Variants in CTNNA3 observed in about 807,000 individuals in gnomAD.
The protein encoded by CTNNA3 is catenin alpha 3, also known as catenin alpha-3.
A neutral mutation model predicts 95.7 loss-of-function variants in CTNNA3; 76 were observed. The ratio of observed to expected loss-of-function variants is 0.79; its 90% confidence interval spans 0.66 to 0.96. The LOEUF is 0.96. Ranked by LOEUF, CTNNA3 falls within the 40% of genes least tolerant of loss-of-function variation. The pLI is 0.00. For missense variants in CTNNA3, 1,191 were observed against 1,089.8 expected (o/e 1.09, Z -1.31); for synonymous variants, 431 against 374.4 (o/e 1.15, Z -1.74).
chr10:67,600,748 A>G (rs1292744243), intron 3 of CTNNA3, among the ~76,000 whole-genome samples: 3 of 152,246 alleles, frequency 2.0e-5, no homozygotes, highest in Non-Finnish European at 4.4e-5. Context: ...ACTGAAAGTA[A>G]TACACAAATG....
intron 11 of CTNNA3, among the ~76,000 whole-genome samples, chr10:66,396,881 C>A (rs1457468519): frequency 4.6e-5 from 7 of 151,670 alleles, no homozygotes; most frequent in African/African-American, 1.7e-4. Flanking sequence ...GCAAACTAAC[C>A]ATTGGTAAAC....
chr10:67,640,878 G>C (rs1839506458), intron 2 of CTNNA3, among the ~76,000 whole-genome samples: 1 of 152,150 alleles, frequency 6.6e-6, no homozygotes, highest in Non-Finnish European at 1.5e-5. Context: ...AGACTTAAAT[G>C]TTAGACCCAA....
At chr10:66,626,907 C>T (rs1844954562) in intron 9 of CTNNA3, among the ~76,000 whole-genome samples, 1 of 150,158 alleles carries the variant, frequency 6.7e-6, no homozygotes, top group African/African-American at 2.5e-5. Context: ...TACCACCTCC[C>T]CCATCTCCAA....
chr10:66,087,704 G>T (rs1415091638), intron 14 of CTNNA3, among the ~76,000 whole-genome samples: 1 of 152,012 alleles, frequency 6.6e-6, no homozygotes, highest in Non-Finnish European at 1.5e-5. Flanking sequence ...CTGCAGTGGT[G>T]GAATTCTACT....
chr10:67,350,910 G>GTA (rs3057678), intron 5 of CTNNA3, among the ~76,000 whole-genome samples: 90,323 of 141,634 alleles, frequency 0.64, 30,235 homozygotes, highest in Admixed American at 0.73. Context: ...AAAAGTATGT[G>GTA]TATATATATA....
intron 5 of CTNNA3, among the ~76,000 whole-genome samples, chr10:67,433,779 C>T (rs911477983): frequency 6.6e-6 from 1 of 152,092 alleles, no homozygotes; most frequent in Non-Finnish European, 1.5e-5. Flanking sequence ...GTGCCATCAT[C>T]ATATATTCCT....
intron 7 of CTNNA3, among the ~76,000 whole-genome samples, chr10:66,845,721 A>AAAACAAAAAAAAAAAAC (rs1843237508): frequency 7.6e-6 from 1 of 130,942 alleles, no homozygotes; most frequent in South Asian, 2.6e-4. Flanking sequence ...AAAAAAAAAA[A>AAAACAAAAAAAAAAAAC]AAAAAAAACT....
chr10:67,090,760 C>T (rs1304705805), intron 7 of CTNNA3, among the ~76,000 whole-genome samples: 3 of 152,002 alleles, frequency 2.0e-5, no homozygotes, highest in Non-Finnish European at 2.9e-5. Flanking sequence ...ACAGACGCAA[C>T]AAATGCCCAC....
intron 7 of CTNNA3, among the ~76,000 whole-genome samples, chr10:66,920,787 G>A (rs1846748169): frequency 6.6e-6 from 1 of 152,150 alleles, no homozygotes; most frequent in Non-Finnish European, 1.5e-5. Context: ...GGGTTGCTTA[G>A]CCAATAAAAA....
intron 9 of CTNNA3, among the ~76,000 whole-genome samples, chr10:66,642,827 A>C (rs1204931654): frequency 6.6e-6 from 1 of 152,160 alleles, no homozygotes; most frequent in Non-Finnish European, 1.5e-5. Flanking sequence ...AACATGAAAA[A>C]GTCAACATCT....
At chr10:67,322,035 C>G (rs1410921460) in intron 5 of CTNNA3, among the ~76,000 whole-genome samples, 1 of 152,006 alleles carries the variant, frequency 6.6e-6, no homozygotes, top group African/African-American at 2.4e-5. Flanking sequence ...TTCTTATACA[C>G]TGACAAGGTC....
chr10:66,255,758 A>G (rs893071350), intron 13 of CTNNA3, among the ~76,000 whole-genome samples: 2 of 152,236 alleles, frequency 1.3e-5, no homozygotes, highest in Non-Finnish European at 2.9e-5. Context: ...TGGCAAATGA[A>G]GATTTGGGAA....
intron 10 of CTNNA3, among the ~76,000 whole-genome samples, chr10:66,587,876 C>A (rs1487533894): frequency 1.3e-5 from 2 of 152,192 alleles, no homozygotes; most frequent in South Asian, 2.1e-4. Context: ...ACCTGTGAAG[C>A]AGGAGTGCCC....
At chr10:67,347,146 C>G (rs1904632) in intron 5 of CTNNA3, among the ~76,000 whole-genome samples, 11,460 of 151,592 alleles carry the variant, frequency 0.076, 698 homozygotes, top group East Asian at 0.24. Context: ...GCTTCCCAGG[C>G]TCAAGCGATT....
intron 3 of CTNNA3, among the ~76,000 whole-genome samples, chr10:67,543,578 G>A (rs563384015): frequency 2.3e-4 from 35 of 151,986 alleles, no homozygotes; most frequent in Non-Finnish European, 4.9e-4. Context: ...ATGAAAAGGG[G>A]CAGGTACTAA....
chr10:66,315,056 G>T (rs1255933085), intron 12 of CTNNA3, among the ~76,000 whole-genome samples: 2 of 151,942 alleles, frequency 1.3e-5, no homozygotes, highest in African/African-American at 4.8e-5. Context: ...GGAGGCAAAG[G>T]TTACATTTTT....
rs191300201 is a variant in CTNNA3, at chr10:67,218,824, T to G, written c.843+783A>C. ...AGCCTGGTTTTTCAGTTCCTCTCATTGTTCTCCTTCAGTCTATGTTCCTTA... is the reference window on the plus strand; with the variant it reads ...AGCCTGGTTTTTCAGTTCCTCTCATGGTTCTCCTTCAGTCTATGTTCCTTA... On this transcript the variant is annotated intron_variant, in intron 6 of 17. Transcript: ENST00000433211. 1.4e-3 allele frequency among the ~76,000 whole-genome samples: 213 copies of G among 152,330 alleles called. 2 individuals are homozygous for G. The highest frequency in any genetic ancestry group is 5.0e-3 in the African/African-American group (206 of 41,584).
At chr10:66,837,265 T>C (rs1842916604) in intron 7 of CTNNA3, among the ~76,000 whole-genome samples, 1 of 152,146 alleles carries the variant, frequency 6.6e-6, no homozygotes. Context: ...TGGCAAAAGA[T>C]AATGTGACAC....
intron 12 of CTNNA3, among the ~76,000 whole-genome samples, chr10:66,303,353 T>C (rs556158991): frequency 6.6e-6 from 1 of 152,294 alleles, no homozygotes; most frequent in South Asian, 2.1e-4. Flanking sequence ...CCAGTTATCA[T>C]GGCATTTTAA....
Sources: gnomAD v4.1 joint callset for allele counts (sites outside exome capture counted in the v4.1 genomes callset) on GRCh38, gnomAD v4.1.1 for gene constraint, MANE v1.5 for transcripts, NCBI Gene and HGNC (gene_info 2026-07-23, HGNC 2026-07-21) for gene names.